Variants in RORA observed in about 807,000 individuals in gnomAD.
RORA encodes nuclear receptor ROR-alpha.
Under a neutral mutation model 69.5 loss-of-function variants are expected in RORA, and 7 were observed. That is an observed-to-expected ratio of 0.10 (90% CI 0.06 to 0.19). RORA has a LOEUF of 0.19. Among genes scored for constraint, RORA ranks in the 10% least tolerant of loss-of-function variants. RORA has a pLI of 1.00. For synonymous variants in RORA, 261 were observed against 240.8 expected (o/e 1.08, Z -0.78); for missense variants, 457 against 663.0 (o/e 0.69, Z 3.41).
At chr15:61,146,334 C>T (rs1242007531) in intron 1 of RORA, among the ~76,000 whole-genome samples, 2 of 152,224 alleles carry the variant, frequency 1.3e-5, no homozygotes, top group African/African-American at 2.4e-5. Flanking sequence ...TAAATCCCTA[C>T]TAGTTGCTGT....
chr15:61,112,186 T>A (rs2079012537), intron 1 of RORA, among the ~76,000 whole-genome samples: 1 of 152,190 alleles, frequency 6.6e-6, no homozygotes, highest in Admixed American at 6.5e-5. Flanking sequence ...TGTGATTGTG[T>A]AATTTTGTGT....
intron 1 of RORA, among the ~76,000 whole-genome samples, chr15:61,082,418 G>A (rs537018687): frequency 6.6e-5 from 10 of 152,326 alleles, no homozygotes; most frequent in African/African-American, 2.4e-4. Context: ...GAACCTGGGA[G>A]TTGGAGATTG....
intron 1 of RORA, among the ~76,000 whole-genome samples, chr15:60,774,991 T>C (rs1429815522): frequency 6.6e-6 from 1 of 152,234 alleles, no homozygotes; most frequent in African/African-American, 2.4e-5. Flanking sequence ...ACTGTAACAT[T>C]CGTTGAAGAA....
chr15:60,975,160 C>A (rs1363583361), intron 1 of RORA, among the ~76,000 whole-genome samples: 1 of 152,184 alleles, frequency 6.6e-6, no homozygotes, highest in Non-Finnish European at 1.5e-5. Flanking sequence ...GGGGCCTGGG[C>A]AGGGTGAGCA....
chr15:60,961,316 C>T (rs1434716077), intron 1 of RORA, among the ~76,000 whole-genome samples: 1 of 152,162 alleles, frequency 6.6e-6, no homozygotes, highest in Non-Finnish European at 1.5e-5. Flanking sequence ...ACATCATGCA[C>T]AACAGAAATC....
At chr15:61,115,147 G>A (rs564044963) in intron 1 of RORA, among the ~76,000 whole-genome samples, 3 of 152,216 alleles carry the variant, frequency 2.0e-5, no homozygotes, top group African/African-American at 7.2e-5. Flanking sequence ...TAGAGTCTTG[G>A]GTCTGGTCCA....
chr15:60,982,869 G>T (rs1894088003), intron 1 of RORA, among the ~76,000 whole-genome samples: 1 of 152,126 alleles, frequency 6.6e-6, no homozygotes, highest in Admixed American at 6.5e-5. Context: ...ATAGAAGGGT[G>T]AACTTTTGGG....
At chr15:60,909,638 G>A (rs1427228294) in intron 1 of RORA, among the ~76,000 whole-genome samples, 1 of 152,190 alleles carries the variant, frequency 6.6e-6, no homozygotes, top group Non-Finnish European at 1.5e-5. Flanking sequence ...CAGAGAGACA[G>A]AGGAAGAGCA....
chr15:60,727,324 C>G (rs1272537837), intron 1 of RORA, among the ~76,000 whole-genome samples: 1 of 152,108 alleles, frequency 6.6e-6, no homozygotes, highest in African/African-American at 2.4e-5. Flanking sequence ...GTTGCAAAAC[C>G]CACTGAATTC....
chr15:60,962,562 C>T (rs1566926460), intron 1 of RORA, among the ~76,000 whole-genome samples: 1 of 152,326 alleles, frequency 6.6e-6, no homozygotes, highest in East Asian at 1.9e-4. Flanking sequence ...CTAGTCGAGG[C>T]TGGACTGCTC....
intron 1 of RORA, among the ~76,000 whole-genome samples, chr15:61,137,511 G>A (rs553382964): frequency 1.3e-5 from 2 of 152,076 alleles, no homozygotes; most frequent in South Asian, 2.1e-4. Context: ...CTGGCAGCAC[G>A]TGCCCATGGC....
At position 60,516,174 on chromosome 15, in the gene RORA, T is replaced by TAA. The variant is rs1491406565; in HGVS notation, c.283-1418_283-1417insTT. Among the ~76,000 whole-genome samples the TAA allele has an allele frequency of 2.5e-3, 61 of 24,720 alleles. 1 individual carries two copies. The highest frequency in any genetic ancestry group is 2.9e-3 in the Non-Finnish European group (46 of 16,040). The allele number at this position is 24,720 out of a possible 152,430, so 16.2% of individuals were successfully genotyped here. On this transcript the variant is annotated intron_variant, in intron 3 of 10. Coordinates refer to ENST00000335670, the MANE Select transcript of RORA (RefSeq NM_134261.3). ...ATATATATATATTTATATATATATT[T>TAA]ATATATATATTTATATATATATTTA...
chr15:60,699,479 A>G (rs537839882), intron 1 of RORA, among the ~76,000 whole-genome samples: 203 of 152,326 alleles, frequency 1.3e-3, no homozygotes, highest in Middle Eastern at 3.4e-3. Context: ...TGTGTCAGAA[A>G]AAAAATCAGG....
At chr15:61,172,208 A>G (rs1366938875) in intron 1 of RORA, among the ~76,000 whole-genome samples, 1 of 152,212 alleles carries the variant, frequency 6.6e-6, no homozygotes, top group Non-Finnish European at 1.5e-5. Flanking sequence ...TATCTTTAAG[A>G]GAAAAAAATA....
At chr15:60,759,003 C>T (rs922838859) in intron 1 of RORA, among the ~76,000 whole-genome samples, 2 of 152,212 alleles carry the variant, frequency 1.3e-5, no homozygotes, top group African/African-American at 4.8e-5. Context: ...AGGCTCAAAC[C>T]GTTCTTCAGA....
chr15:60,942,762 A>G (rs187343716), intron 1 of RORA, among the ~76,000 whole-genome samples: 28 of 152,350 alleles, frequency 1.8e-4, no homozygotes, highest in African/African-American at 6.7e-4. Flanking sequence ...GTTTATGTGC[A>G]AAAGTGATAA....
In RORA at chr15:60,747,824, C is replaced by G. The variant is rs144115479; in HGVS notation, c.167-69138G>C. ...TAGAACCTTTCTTGTTTCTACGCCT[C>G]TATTTTAGGGATCTAATTCTTAGTA... is the stretch of plus-strand genomic sequence containing the variant. On this transcript the variant is annotated intron_variant, in intron 1 of 10. Transcript: ENST00000335670. Among the ~76,000 whole-genome samples, 470 of 152,182 alleles carry G rather than the reference C, an allele frequency of 3.1e-3. 2 individuals carry two copies. Among genetic ancestry groups the G allele is most frequent in the African/African-American group, 0.011 (455 of 41,472 alleles).
At position 61,180,143 on chromosome 15, in the gene RORA, C is replaced by CAAA. The variant is rs71456351; in HGVS notation, c.166+48907_166+48909dup. On this transcript the variant is annotated intron_variant, in intron 1 of 10. Transcript: ENST00000335670. ...TGGGCAACAGAGCAAGACTCCATCT[C>CAAA]AAAAAAAAAAAAAAAAAAAAAAAAG... Among the ~76,000 whole-genome samples the CAAA allele has an allele frequency of 2.2e-3, 79 of 36,534 alleles. 1 individual carries two copies. The highest frequency in any genetic ancestry group is 4.9e-3 in the African/African-American group (51 of 10,422). 24.0% of individuals were successfully genotyped at this position (36,534 alleles called of 152,430 possible).
chr15:61,042,756 C>A (rs1320362751), intron 1 of RORA, among the ~76,000 whole-genome samples: 1 of 152,208 alleles, frequency 6.6e-6, no homozygotes, highest in Non-Finnish European at 1.5e-5. Context: ...TTGGGAATTG[C>A]CAGCCAAGTC....
Sources: gnomAD v4.1 joint callset for allele counts (sites outside exome capture counted in the v4.1 genomes callset) on GRCh38, gnomAD v4.1.1 for gene constraint, MANE v1.5 for transcripts, NCBI Gene and HGNC (gene_info 2026-07-23, HGNC 2026-07-21) for gene names.